Variants in CDH13 observed in about 807,000 individuals in gnomAD.
The protein encoded by CDH13 is cadherin-13.
CDH13 carries 24 observed loss-of-function variants against 63.8 expected under a neutral mutation model. That is an observed-to-expected ratio of 0.38 (90% CI 0.27 to 0.53). CDH13 has a LOEUF of 0.53. CDH13 is among the 20% of genes least tolerant of loss of function. CDH13 has a pLI of 0.85. For missense variants in CDH13, 1,049 were observed against 903.1 expected (o/e 1.16, Z -2.07); for synonymous variants, 503 against 355.3 (o/e 1.42, Z -4.67).
chr16:82,782,762 G>A (rs1040115819), intron 1 of CDH13, among the ~76,000 whole-genome samples: 1 of 152,136 alleles, frequency 6.6e-6, no homozygotes, highest in African/African-American at 2.4e-5. Context: ...CCGGCCTTCT[G>A]TCTGCCTTAC....
intron 13 of CDH13, among the ~76,000 whole-genome samples, chr16:83,786,295 G>T (rs554115673): frequency 6.6e-6 from 1 of 152,170 alleles, no homozygotes; most frequent in Non-Finnish European, 1.5e-5. Flanking sequence ...GCCACTGTGT[G>T]ATAAGAGCAA....
At chr16:83,707,304 C>A (rs924715692) in intron 10 of CDH13, among the ~76,000 whole-genome samples, 1 of 152,164 alleles carries the variant, frequency 6.6e-6, no homozygotes. Flanking sequence ...ATCTCTTTCT[C>A]CTTGAATTCC....
intron 5 of CDH13, among the ~76,000 whole-genome samples, chr16:83,265,029 G>A (rs1332150562): frequency 6.6e-6 from 1 of 151,944 alleles, no homozygotes; most frequent in Non-Finnish European, 1.5e-5. Context: ...TTCTTCATTT[G>A]TTTAGTGTTC....
At chr16:83,794,781 C>T (rs547341351) in intron 13 of CDH13, among the ~76,000 whole-genome samples, 48 of 152,154 alleles carry the variant, frequency 3.2e-4, no homozygotes, top group African/African-American at 1.1e-3. Flanking sequence ...AGCTCTCGGT[C>T]TGAGCGATGT....
At chr16:83,093,064 C>G (rs893657803) in intron 3 of CDH13, among the ~76,000 whole-genome samples, 1 of 152,084 alleles carries the variant, frequency 6.6e-6, no homozygotes, top group Non-Finnish European at 1.5e-5. Context: ...TATTATTGCT[C>G]ATTTCATTTG....
At chr16:83,734,912 G>T (rs1242808294) in intron 10 of CDH13, among the ~76,000 whole-genome samples, 1 of 151,456 alleles carries the variant, frequency 6.6e-6, no homozygotes, top group Non-Finnish European at 1.5e-5. Context: ...GAGACCTGAT[G>T]GTTGGCTTCT....
intron 2 of CDH13, among the ~76,000 whole-genome samples, chr16:83,023,362 G>A (rs1320111383): frequency 6.6e-6 from 1 of 151,362 alleles, no homozygotes; most frequent in Admixed American, 6.6e-5. Flanking sequence ...ATGATGTTAT[G>A]CAATTTATTC....
chr16:82,750,006 C>T (rs1235693826), intron 1 of CDH13, among the ~76,000 whole-genome samples: 1 of 152,018 alleles, frequency 6.6e-6, no homozygotes, highest in Non-Finnish European at 1.5e-5. Context: ...TGGGTGGGGC[C>T]AAAGATCAGA....
chr16:83,305,442 G>C (rs934948062), intron 5 of CDH13, among the ~76,000 whole-genome samples: 11 of 152,362 alleles, frequency 7.2e-5, no homozygotes, highest in Non-Finnish European at 1.0e-4. Flanking sequence ...CGTGTAGCCA[G>C]TATGTCCTGA....
At chr16:83,537,176 A>C (rs2075207662) in intron 7 of CDH13, among the ~76,000 whole-genome samples, 1 of 152,228 alleles carries the variant, frequency 6.6e-6, no homozygotes. Context: ...ATATGTCTCA[A>C]AGGCCCAGCA....
At chr16:83,468,038 C>T (rs893648107) in intron 6 of CDH13, among the ~76,000 whole-genome samples, 1 of 152,216 alleles carries the variant, frequency 6.6e-6, no homozygotes, top group Admixed American at 6.5e-5. Context: ...GCTGAGGAAG[C>T]ATCTCACAAA....
At chr16:83,751,281 C>T (rs1239913318) in intron 11 of CDH13, among the ~76,000 whole-genome samples, 4 of 152,132 alleles carry the variant, frequency 2.6e-5, no homozygotes, top group African/African-American at 9.7e-5. Context: ...CACTCACTTG[C>T]CTCCAGAATA....
chr16:83,020,194 G>T (rs553461688), intron 2 of CDH13, among the ~76,000 whole-genome samples: 1 of 152,166 alleles, frequency 6.6e-6, no homozygotes, highest in African/African-American at 2.4e-5. Context: ...TATTTGCATT[G>T]TTCTGGCTTG....
intron 2 of CDH13, among the ~76,000 whole-genome samples, chr16:82,937,477 G>A (rs1342205385): frequency 1.3e-5 from 2 of 151,734 alleles, no homozygotes; most frequent in South Asian, 2.1e-4. Context: ...GCTGAATCAC[G>A]AATTCCGTGA....
In CDH13 at chr16:83,417,472, G is replaced by C. The variant is rs542272317; in HGVS notation, c.782-69005G>C. Among the ~76,000 whole-genome samples the C allele has an allele frequency of 2.0e-5, 3 of 152,126 alleles. No individual in the cohort carries two copies. In the South Asian group the frequency reaches 6.2e-4, roughly 32 times the overall value. On this transcript the variant is annotated intron_variant, in intron 6 of 13. Coordinates refer to ENST00000567109, the MANE Select transcript of CDH13 (RefSeq NM_001257.5). ...TAACCTGTCGTGACACCACCTCCCT[G>C]GTCACCGTGCTCTTGCCTTCTTGCC...
chr16:83,072,566 C>G (rs1484777704), intron 3 of CDH13, among the ~76,000 whole-genome samples: 1 of 152,134 alleles, frequency 6.6e-6, no homozygotes, highest in Non-Finnish European at 1.5e-5. Flanking sequence ...AATGGGATCA[C>G]AAACTTGAAG....
rs546224737 is a variant in CDH13, at chr16:83,772,044, C to T, written c.1682-7924C>T. Among the ~76,000 whole-genome samples, 4 of 152,310 alleles carry T rather than the reference C, an allele frequency of 2.6e-5. No homozygotes were observed. The East Asian group carries it at 7.7e-4, about 29-fold the overall frequency. On this transcript the variant is annotated intron_variant, in intron 11 of 13. Coordinates refer to ENST00000567109, the MANE Select transcript of CDH13 (RefSeq NM_001257.5). ...ATGATATCACCCAACACAATGTACACTCTGTGGGTGGAGAAGGATGGGGGG... is the reference window on the plus strand; with the variant it reads ...ATGATATCACCCAACACAATGTACATTCTGTGGGTGGAGAAGGATGGGGGG...
intron 8 of CDH13, among the ~76,000 whole-genome samples, chr16:83,630,623 C>G (rs1372915629): frequency 1.3e-5 from 2 of 152,146 alleles, no homozygotes; most frequent in African/African-American, 4.8e-5. Context: ...CGTAAACAAT[C>G]AGACTGAGGA....
intron 6 of CDH13, among the ~76,000 whole-genome samples, chr16:83,411,867 A>T (rs1040334931): frequency 6.6e-6 from 1 of 152,232 alleles, no homozygotes; most frequent in African/African-American, 2.4e-5. Context: ...TAACAAGTTT[A>T]TAAGGTAGAT....
Sources: gnomAD v4.1 joint callset for allele counts (sites outside exome capture counted in the v4.1 genomes callset) on GRCh38, gnomAD v4.1.1 for gene constraint, MANE v1.5 for transcripts, NCBI Gene and HGNC (gene_info 2026-07-23, HGNC 2026-07-21) for gene names.